Variants in CSMD2 observed in about 807,000 individuals in gnomAD.
The protein encoded by CSMD2 is CUB and sushi domain-containing protein 2.
A neutral mutation model predicts 398.5 loss-of-function variants in CSMD2; 130 were observed. The ratio of observed to expected loss-of-function variants is 0.33; its 90% CI spans 0.28 to 0.38. The LOEUF (loss-of-function observed/expected upper bound fraction) is 0.38, where lower values mean the gene tolerates loss of function less well. Ranked by LOEUF, CSMD2 falls within the 10% of genes least tolerant of loss-of-function variation. CSMD2 has a pLI of 1.00. For missense variants in CSMD2, 3,829 were observed against 4,764.9 expected, an observed-to-expected ratio of 0.80 and a Z score of 5.78; for synonymous variants, 1,828 against 1,908.5, an observed-to-expected ratio of 0.96 and a Z score of 1.10.
intron 13 of CSMD2, among the ~76,000 whole-genome samples, chr1:33,757,662 C>G (rs1649230044): frequency 1.3e-5 from 2 of 152,222 alleles, no homozygotes; most frequent in African/African-American, 4.8e-5. Flanking sequence ...GGAGATCCCA[C>G]CGGCACCTCA....
chr1:33,733,877 T>G (rs1005963186), intron 15 of CSMD2, among the ~76,000 whole-genome samples: 2 of 152,248 alleles, frequency 1.3e-5, no homozygotes, highest in Non-Finnish European at 2.9e-5. Context: ...CATAGCAATG[T>G]GAGAATGGAC....
chr1:33,614,938 A>C (rs549448992), intron 39 of CSMD2, among the ~76,000 whole-genome samples: 1 of 152,256 alleles, frequency 6.6e-6, no homozygotes, highest in Non-Finnish European at 1.5e-5. Flanking sequence ...TTCTGTGCCA[A>C]AAGAAGTCCA....
chr1:33,961,454 G>A lies in CSMD2; in HGVS notation c.518-25500C>T, dbSNP rs561693153. On this transcript the variant is annotated intron_variant, in intron 3 of 70. Coordinates refer to ENST00000373381, the MANE Select transcript of CSMD2 (RefSeq NM_001281956.2). ...CCAGTATCTCAGTGACATCTGGGAG[G>A]GAGTGGTAATGTCATGGTGTGGTTC... Among the ~76,000 whole-genome samples, 7 of 152,342 alleles carry A rather than the reference G, an allele frequency of 4.6e-5. No individual in the cohort carries two copies. In the South Asian group the frequency reaches 1.2e-3, roughly 27 times the overall value.
At chr1:33,707,444 T>A (rs574676163) in intron 22 of CSMD2, among the ~76,000 whole-genome samples, 2 of 152,244 alleles carry the variant, frequency 1.3e-5, no homozygotes, top group South Asian at 4.2e-4. Context: ...AGGTCAAGGG[T>A]GATGCCTAAA....
chr1:33,802,088 A>C (rs1479016998), intron 10 of CSMD2, among the ~76,000 whole-genome samples: 2 of 152,194 alleles, frequency 1.3e-5, no homozygotes, highest in Non-Finnish European at 2.9e-5. Flanking sequence ...AAATTTGGGA[A>C]AAATTATTGT....
intron 13 of CSMD2, 170 bp downstream of exon 13, chr1:33,772,399 A>C (rs1651398297): frequency 5.0e-6 from 3 of 595,048 alleles, no homozygotes; most frequent in Non-Finnish European, 8.9e-6. Context: ...CATTCCTGCC[A>C]GAAATAAGGA....
At chr1:33,851,972 T>C (rs1638741183) in intron 5 of CSMD2, among the ~76,000 whole-genome samples, 1 of 152,160 alleles carries the variant, frequency 6.6e-6, no homozygotes, top group African/African-American at 2.4e-5. Context: ...TGGACAGCTC[T>C]GAAAGATCTG....
intron 5 of CSMD2, among the ~76,000 whole-genome samples, chr1:33,866,820 T>G (rs1640073163): frequency 6.6e-6 from 1 of 152,268 alleles, no homozygotes; most frequent in Admixed American, 6.5e-5. Flanking sequence ...TTGGCAGAAC[T>G]TAGGGCAAGT....
chr1:33,647,439 G>T (rs568369996), intron 28 of CSMD2, among the ~76,000 whole-genome samples: 2 of 152,142 alleles, frequency 1.3e-5, no homozygotes, highest in Non-Finnish European at 2.9e-5. Context: ...TAAAAACTTA[G>T]TTGAGCAAAT....
In CSMD2 at chr1:33,519,494, G is replaced by A. The variant is rs758934954; in HGVS notation, c.*24C>T. ...TGCTGGAGGCGGGGCTCTCGGTGGCGGTGGTGGCGGCCAGGCCGGGTGGCT... is the reference window on the plus strand; with the variant it reads ...TGCTGGAGGCGGGGCTCTCGGTGGCAGTGGTGGCGGCCAGGCCGGGTGGCT... On this transcript the variant is annotated 3_prime_UTR_variant, in exon 70 of 71. Coordinates refer to ENST00000373381, the MANE Select transcript of CSMD2 (RefSeq NM_001281956.2). This position sits in a 1 kb window ranked among gnomAD's most constrained non-coding sequence, Gnocchi z 5.6. 6 of 1,591,058 alleles carry A rather than the reference G, an allele frequency of 3.8e-6. No homozygotes were observed. The highest frequency in any genetic ancestry group is 1.4e-5 in the African/African-American group (1 of 73,828).
At chr1:34,132,926 A>C (rs565831866) in intron 1 of CSMD2, among the ~76,000 whole-genome samples, 2 of 150,786 alleles carry the variant, frequency 1.3e-5, no homozygotes, top group African/African-American at 4.9e-5. Context: ...GCCAATTCTC[A>C]TAATAAATTT....
Position 34,006,924 on chromosome 1 carries a change from C to A in CSMD2, c.517+25670G>T, listed in dbSNP as rs531537017. ...GATTCCACTGCCAGACTCTCTCAGG[C>A]ATGGAAACTGTGACACGCTCCCATC... On this transcript the variant is annotated intron_variant, in intron 3 of 70. Transcript: ENST00000373381. Among the ~76,000 whole-genome samples the A allele has an allele frequency of 6.0e-4, 91 of 152,094 alleles. 1 individual carries two copies. The highest frequency in any genetic ancestry group is 1.2e-3 in the Non-Finnish European group (80 of 67,992).
At chr1:33,586,646 C>A in intron 45 of CSMD2, 29 bp from the exon 46 acceptor site, 1 of 1,451,204 alleles carries the variant, frequency 6.9e-7, no homozygotes, top group Non-Finnish European at 9.7e-7. Context: ...CATGTAGACC[C>A]TCTTAAGAAG....
chr1:34,152,097 C>T (rs1366657127), intron 1 of CSMD2, among the ~76,000 whole-genome samples: 3 of 152,148 alleles, frequency 2.0e-5, no homozygotes, highest in African/African-American at 7.2e-5. Flanking sequence ...GCAATCCTCC[C>T]ACCTCGGCCT....
intron 4 of CSMD2, among the ~76,000 whole-genome samples, chr1:33,920,435 G>A (rs539447771): frequency 1.1e-4 from 17 of 151,154 alleles, no homozygotes; most frequent in African/African-American, 3.9e-4. Context: ...CCAGCTACCC[G>A]GGAGGCCAAG....
chr1:33,862,697 T>C (rs1402345539), intron 5 of CSMD2, among the ~76,000 whole-genome samples: 2 of 152,100 alleles, frequency 1.3e-5, no homozygotes, highest in African/African-American at 2.4e-5. Context: ...CAACTACAGC[T>C]TGTCCCCTGG....
At chr1:33,894,735 A>G (rs574248139) in intron 5 of CSMD2, among the ~76,000 whole-genome samples, 2 of 152,298 alleles carry the variant, frequency 1.3e-5, no homozygotes, top group South Asian at 4.1e-4. Flanking sequence ...TGGGGAACCC[A>G]AACTTGGAAA....
At position 33,546,197 on chromosome 1, in the gene CSMD2, A is replaced by G. The variant is rs1341510002; in HGVS notation, c.8940T>C (p.Gly2980=). The change falls in exon 57 of 71, where the codon GGT becomes GGC. Residue 2980 remains glycine (G), a synonymous_variant. Coordinates refer to ENST00000373381, the MANE Select transcript of CSMD2 (RefSeq NM_001281956.2). ...HCSGTSVGVC[G]DPGIPAHGIR... Reference sequence around the variant, plus strand: ...TGCCATGAGCCGGGATCCCAGGGTCACCGCAAACTCCCACGCTGGTTCCTA... The same window carrying G: ...TGCCATGAGCCGGGATCCCAGGGTCGCCGCAAACTCCCACGCTGGTTCCTA... The G allele has an allele frequency of 6.2e-7, 1 of 1,613,998 alleles. No individual in the cohort carries two copies. The highest frequency in any genetic ancestry group is 2.2e-5 in the East Asian group (1 of 44,874).
intron 3 of CSMD2, among the ~76,000 whole-genome samples, chr1:33,964,426 G>A (rs148675326): frequency 8.7e-4 from 133 of 152,274 alleles, no homozygotes; most frequent in African/African-American, 2.9e-3. Flanking sequence ...CCAGTAAAAC[G>A]TGCTTGGCAC....
Sources: gnomAD v4.1 joint callset for allele counts (sites outside exome capture counted in the v4.1 genomes callset) on GRCh38, gnomAD v4.1.1 for gene constraint, Gnocchi (gnomAD v3.1) non-coding constraint, MANE v1.5 for transcripts, NCBI Gene and HGNC (gene_info 2026-07-23, HGNC 2026-07-21) for gene names.